HAP1: variants seen among roughly 807,000 people sequenced by gnomAD.
HAP1 encodes huntingtin-associated protein 1.
In HAP1, 59 loss-of-function variants were observed where a neutral mutation model predicts 60.3. The observed-to-expected ratio is 0.98, with a 90% CI of 0.79 to 1.22. The LOEUF is 1.22. HAP1 is among the 50% of genes most tolerant of loss of function. The pLI is 0.00. For synonymous variants in HAP1, 346 were observed against 330.6 expected, an observed-to-expected ratio of 1.05 and a Z score of -0.50; for missense variants, 825 against 785.3, an observed-to-expected ratio of 1.05 and a Z score of -0.60.
chr17:41,718,222 T>G, downstream of HAP1: 1 of 260,464 alleles, frequency 3.8e-6, no homozygotes, highest in Non-Finnish European at 8.3e-6. Context: ...CGGTGGGGCC[T>G]GGTTAGTACT....
chr17:41,727,973 C>T, intron 7 of HAP1, 137 bp from the exon 8 acceptor site: 1 of 702,532 alleles, frequency 1.4e-6, no homozygotes, highest in South Asian at 1.7e-5. Context: ...GGAAGGAGGG[C>T]AAAGAAGGCA....
intron 6 of HAP1, 71 bp from the exon 7 acceptor site, chr17:41,728,402 T>C: frequency 2.1e-6 from 3 of 1,449,634 alleles, no homozygotes; most frequent in Non-Finnish European, 1.9e-6. Flanking sequence ...CCCTCCCAGA[T>C]GCCTCTGTCT....
chr17:41,729,937 G>C (rs1347994259), intron 6 of HAP1, among the ~76,000 whole-genome samples: 1 of 140,284 alleles, frequency 7.1e-6, no homozygotes, highest in Non-Finnish European at 1.5e-5. Flanking sequence ...TACTCAGGAA[G>C]CTGAGGCAGG....
At chr17:41,734,126 C>T in intron 1 of HAP1, 40 bp downstream of exon 1, 7 of 1,500,342 alleles carry the variant, frequency 4.7e-6, no homozygotes, top group Non-Finnish European at 6.3e-6. Flanking sequence ...GGAGTTGCCC[C>T]AGTCCCCACC....
At chr17:41,717,982 AG>A (rs1186296103), downstream of HAP1, 1 of 469,704 alleles carries the variant, frequency 2.1e-6, no homozygotes, top group Non-Finnish European at 4.4e-6. Context: ...GCTGTAGAGG[AG>A]GGAAAGTGTT....
At chr17:41,725,956 G>T in intron 9 of HAP1, 59 bp from the exon 10 acceptor site, 1 of 1,297,996 alleles carries the variant, frequency 7.7e-7, no homozygotes, top group Non-Finnish European at 1.1e-6. Context: ...GCAGTCCCTG[G>T]GGCTTGGTCA....
chr17:41,719,375 T>G (rs1555586592), downstream of HAP1, among the ~76,000 whole-genome samples: 1 of 152,190 alleles, frequency 6.6e-6, no homozygotes, highest in African/African-American at 2.4e-5. Context: ...CGAGCCACCA[T>G]CATTGCCAGA....
Position 41,728,417 on chromosome 17 carries a change from C to G in HAP1, c.1070-86G>C, listed in dbSNP as rs1241773034. 11 of 1,294,308 alleles carry G rather than the reference C, an allele frequency of 8.5e-6. No individual in the cohort carries two copies. The African/African-American group carries it at 8.8e-5, about 10-fold the overall frequency. 80.2% of individuals were successfully genotyped at this position (1,294,308 alleles called of 1,614,324 possible). A position where few individuals can be genotyped will look rare whatever the true frequency, so the allele number is the denominator to read the frequency against. On this transcript the variant is annotated intron_variant, in intron 6 of 10. Transcript: ENST00000347901. ...CCCTCCCAGATGCCTCTGTCTCCCC[C>G]ACCCTCGGCTGCTGCGCTGTGCCAG...
chr17:41,728,125 C>G, intron 7 of HAP1, 76 bp downstream of exon 7: 5 of 1,536,262 alleles, frequency 3.3e-6, no homozygotes, highest in Non-Finnish European at 4.5e-6. Context: ...CCTGGTGGAG[C>G]CGAGTGGAGG....
chr17:41,724,401 G>T lies in HAP1; in HGVS notation c.*300C>A, dbSNP rs1203424718. 2.2e-5 allele frequency: 6 copies of T among 274,168 alleles called. No individual in the cohort carries two copies. The highest frequency in any genetic ancestry group is 4.3e-5 in the Non-Finnish European group (6 of 141,174). 17.0% of individuals were successfully genotyped at this position (274,168 alleles called of 1,614,324 possible). ...CACTGCTGCAGAGTTGGAGAGCCTGGGGGATAGAGGAGGCAGGGGTTGGGG... is the reference window on the plus strand; with the variant it reads ...CACTGCTGCAGAGTTGGAGAGCCTGTGGGATAGAGGAGGCAGGGGTTGGGG... On this transcript the variant is annotated 3_prime_UTR_variant, in exon 11 of 11. Coordinates refer to ENST00000347901, the MANE Select transcript of HAP1 (RefSeq NM_177977.3).
chr17:41,733,037 GGTT>G (rs1397819656), intron 1 of HAP1, among the ~76,000 whole-genome samples: 1 of 33,262 alleles, frequency 3.0e-5, no homozygotes, highest in Non-Finnish European at 5.8e-5. Flanking sequence ...GGTTTTTTTT[GGTT>G]TTTTTTTTTT....
At chr17:41,731,849 C>G in intron 4 of HAP1, 88 bp downstream of exon 4, 1 of 882,384 alleles carries the variant, frequency 1.1e-6, no homozygotes, top group South Asian at 1.4e-5. Flanking sequence ...GCAACCCTGC[C>G]AGCAAGCACA....
intron 9 of HAP1, among the ~76,000 whole-genome samples, chr17:41,726,601 G>A (rs1204911896): frequency 2.0e-5 from 3 of 150,964 alleles, no homozygotes; most frequent in Admixed American, 1.3e-4. Flanking sequence ...GATGGCTCAC[G>A]CCTGTAATCC....
intron 6 of HAP1, among the ~76,000 whole-genome samples, chr17:41,728,910 G>C (rs1911900686): frequency 6.6e-6 from 1 of 151,536 alleles, no homozygotes. Context: ...GGGAGTTTTA[G>C]GCACAGTAAT....
Position 41,734,203 on chromosome 17 carries a change from G to A in HAP1, c.432C>T (p.Gly144=), listed in dbSNP as rs1555591926. 1 of 1,595,850 alleles carries A rather than the reference G, an allele frequency of 6.3e-7. No homozygotes were observed. The highest frequency in any genetic ancestry group is 1.3e-5 in the African/African-American group (1 of 74,704). The change falls in exon 1 of 11, where the codon GGC becomes GGT. Residue 144 remains glycine (G), a synonymous_variant. Coordinates refer to ENST00000347901, the MANE Select transcript of HAP1 (RefSeq NM_177977.3). ...CCCGAATAAAGGCGGCGCGCTCAGGGCCGGACACCCCGGGTCGCCGGCCAA... is the reference window on the plus strand; with the variant it reads ...CCCGAATAAAGGCGGCGCGCTCAGGACCGGACACCCCGGGTCGCCGGCCAA... ...AYVGRRPGVS[G]PERAAFIREL...
Position 41,724,015 on chromosome 17 carries a change from A to G in HAP1, c.*686T>C, listed in dbSNP as rs1911402744. On this transcript the variant is annotated 3_prime_UTR_variant, in exon 11 of 11. Coordinates refer to ENST00000347901, the MANE Select transcript of HAP1 (RefSeq NM_177977.3). ...GATGCACGTGCAATGGCTGCTGTGC[A>G]TGAGTGTCACAAGGTCATCTTTCAT... 6.6e-6 allele frequency: 1 copy of G among 152,452 alleles called. No individual in the cohort carries two copies. Among genetic ancestry groups the G allele is most frequent in the Non-Finnish European group, 1.5e-5 (1 of 68,176 alleles). 9.4% of individuals were successfully genotyped at this position (152,452 alleles called of 1,614,324 possible). A position where few individuals can be genotyped will look rare whatever the true frequency, so the allele number is the denominator to read the frequency against.
At chr17:41,719,490 C>T (rs1431840638), downstream of HAP1, among the ~76,000 whole-genome samples, 4 of 152,002 alleles carry the variant, frequency 2.6e-5, no homozygotes, top group African/African-American at 9.7e-5. Context: ...GTCAGGAGTT[C>T]GAGACCAGCC....
chr17:41,732,895 T>C (rs1178498869), intron 1 of HAP1, 97 bp from the exon 2 acceptor site: 2 of 777,872 alleles, frequency 2.6e-6, no homozygotes, highest in African/African-American at 3.4e-5. Flanking sequence ...CTATCGTCAG[T>C]TCTCCAACAA....
At chr17:41,725,981 A>AG in intron 9 of HAP1, 84 bp from the exon 10 acceptor site, 3 of 1,031,522 alleles carry the variant, frequency 2.9e-6, no homozygotes, top group Non-Finnish European at 4.6e-6. Context: ...GAAGAACCTT[A>AG]GGTAGTGGCC....
Sources: allele counts gnomAD v4.1 joint callset (sites outside exome capture counted in the v4.1 genomes callset), GRCh38; gene constraint gnomAD v4.1.1; transcripts MANE v1.5; gene names NCBI Gene and HGNC (gene_info 2026-07-23, HGNC 2026-07-21).